WWOX: variants seen among roughly 807,000 people sequenced by gnomAD.
The protein encoded by WWOX is WW domain containing oxidoreductase.
WWOX carries 69 observed loss-of-function variants against 46.2 expected under a neutral mutation model. The ratio of observed to expected loss-of-function variants is 1.49; its 90% CI spans 1.23 to 1.82. The LOEUF is 1.82. Among genes scored for constraint, WWOX ranks in the 40% most tolerant of loss-of-function variants. The pLI is 0.00. For missense variants in WWOX, 919 were observed against 542.6 expected, an observed-to-expected ratio of 1.69 and a Z score of -6.89; for synonymous variants, 359 against 202.6, an observed-to-expected ratio of 1.77 and a Z score of -6.56.
intron 5 of WWOX, among the ~76,000 whole-genome samples, chr16:78,372,182 C>T (rs995231353): frequency 6.6e-6 from 1 of 152,206 alleles, no homozygotes. Flanking sequence ...ATCTGGACAA[C>T]AAGTACCTTT....
chr16:78,119,281 G>A (rs2032972561), intron 4 of WWOX, among the ~76,000 whole-genome samples: 1 of 152,222 alleles, frequency 6.6e-6, no homozygotes, highest in Non-Finnish European at 1.5e-5. Context: ...ATGTTGGGAA[G>A]TGTTAGGAAA....
intron 8 of WWOX, among the ~76,000 whole-genome samples, chr16:79,169,620 A>G (rs2050661658): frequency 6.6e-6 from 1 of 152,196 alleles, no homozygotes; most frequent in South Asian, 2.1e-4. Flanking sequence ...ACAAATAGCT[A>G]AAGACAGAAA....
chr16:79,087,302 T>G (rs149548278), intron 8 of WWOX, among the ~76,000 whole-genome samples: 2 of 152,326 alleles, frequency 1.3e-5, no homozygotes, highest in African/African-American at 4.8e-5. Flanking sequence ...CAGAAAATGC[T>G]TGGTTCTTCC....
intron 8 of WWOX, among the ~76,000 whole-genome samples, chr16:78,526,763 C>T (rs1468939405): frequency 6.6e-6 from 1 of 152,156 alleles, no homozygotes; most frequent in Non-Finnish European, 1.5e-5. Flanking sequence ...TTGAGGGCAA[C>T]AGGGGCAGTG....
At chr16:78,562,238 G>A (rs941395111) in intron 8 of WWOX, among the ~76,000 whole-genome samples, 1 of 152,206 alleles carries the variant, frequency 6.6e-6, no homozygotes, top group African/African-American at 2.4e-5. Context: ...GCCTCGCGAG[G>A]TTTGGGAATG....
At chr16:78,561,661 A>T (rs1474212242) in intron 8 of WWOX, among the ~76,000 whole-genome samples, 3 of 152,170 alleles carry the variant, frequency 2.0e-5, no homozygotes, top group Non-Finnish European at 4.4e-5. Context: ...TTTAATATAA[A>T]AGAAAGGGGG....
intron 8 of WWOX, among the ~76,000 whole-genome samples, chr16:78,923,427 C>G (rs568336515): frequency 6.6e-6 from 1 of 152,132 alleles, no homozygotes; most frequent in African/African-American, 2.4e-5. Flanking sequence ...CAGGTCCAGC[C>G]TGCTATTTTT....
intron 8 of WWOX, among the ~76,000 whole-genome samples, chr16:78,685,855 C>T (rs890621550): frequency 6.8e-6 from 1 of 146,132 alleles, no homozygotes; most frequent in Non-Finnish European, 1.5e-5. Flanking sequence ...AGGGAAAGAT[C>T]TGAGAGCAGG....
chr16:78,681,452 C>T (rs866406047), intron 8 of WWOX, among the ~76,000 whole-genome samples: 1 of 150,152 alleles, frequency 6.7e-6, no homozygotes, highest in African/African-American at 2.5e-5. Flanking sequence ...ATCTATAAAA[C>T]AATAAAGGAA....
chr16:78,215,685 T>C lies in WWOX; in HGVS notation c.516+51396T>C, dbSNP rs998270505. On this transcript the variant is annotated intron_variant, in intron 5 of 8. Transcript: ENST00000566780. ...GCTCATGCCTGTAATCCCAGCACTT[T>C]AGGAGGCCGAGGCAGATGGATCACT... 2.6e-5 allele frequency among the ~76,000 whole-genome samples: 4 copies of C among 152,242 alleles called. No individual in the cohort carries two copies. In the South Asian group the frequency reaches 6.2e-4, roughly 24 times the overall value.
chr16:78,364,327 C>T (rs558835613), intron 5 of WWOX, among the ~76,000 whole-genome samples: 2 of 152,220 alleles, frequency 1.3e-5, no homozygotes, highest in South Asian at 4.2e-4. Flanking sequence ...ATTGGTTGGT[C>T]TCTGAACTAA....
intron 5 of WWOX, among the ~76,000 whole-genome samples, chr16:78,261,817 T>TATATATATATATATATATAC (rs1567464802): frequency 1.4e-5 from 2 of 146,128 alleles, no homozygotes; most frequent in Admixed American, 6.9e-5. Flanking sequence ...TATATATATA[T>TATATATATATATATATATAC]ACTTATAATG....
intron 5 of WWOX, among the ~76,000 whole-genome samples, chr16:78,332,080 C>G (rs1372803198): frequency 6.6e-6 from 1 of 152,148 alleles, no homozygotes; most frequent in East Asian, 1.9e-4. Context: ...TCAGCTCAAG[C>G]CTTCCCTGGG....
At chr16:78,214,854 G>C (rs1356094571) in intron 5 of WWOX, among the ~76,000 whole-genome samples, 1 of 150,396 alleles carries the variant, frequency 6.6e-6, no homozygotes, top group Non-Finnish European at 1.5e-5. Flanking sequence ...AAGGTTTGTC[G>C]TTTAAAAATT....
At chr16:79,150,481 A>G (rs747001216) in intron 8 of WWOX, among the ~76,000 whole-genome samples, 3 of 152,150 alleles carry the variant, frequency 2.0e-5, no homozygotes, top group Admixed American at 1.3e-4. Flanking sequence ...TATGTCCCCA[A>G]TATAGGGAAG....
intron 8 of WWOX, among the ~76,000 whole-genome samples, chr16:78,675,475 A>G (rs958476115): frequency 6.6e-6 from 1 of 152,164 alleles, no homozygotes; most frequent in African/African-American, 2.4e-5. Context: ...GGGCCTTGCC[A>G]TGTTCCAGGC....
At chr16:78,356,570 T>C (rs1039122940) in intron 5 of WWOX, among the ~76,000 whole-genome samples, 1 of 152,114 alleles carries the variant, frequency 6.6e-6, no homozygotes, top group Non-Finnish European at 1.5e-5. Context: ...AGGTGCACTT[T>C]GAAAGACTAT....
intron 8 of WWOX, among the ~76,000 whole-genome samples, chr16:79,070,268 A>G (rs910793306): frequency 2.8e-5 from 4 of 145,198 alleles, no homozygotes; most frequent in African/African-American, 5.1e-5. Context: ...TGTGTTTCTG[A>G]TGTGTGTGTG....
At chr16:78,813,530 G>T (rs1297119509) in intron 8 of WWOX, among the ~76,000 whole-genome samples, 1 of 152,122 alleles carries the variant, frequency 6.6e-6, no homozygotes. Flanking sequence ...ATCTGATTCT[G>T]TGGTGGTCTG....
Sources: gnomAD v4.1 joint callset for allele counts (sites outside exome capture counted in the v4.1 genomes callset) on GRCh38, gnomAD v4.1.1 for gene constraint, MANE v1.5 for transcripts, NCBI Gene and HGNC (gene_info 2026-07-23, HGNC 2026-07-21) for gene names.